PTTG1IP: variants seen among roughly 807,000 people sequenced by gnomAD.
The protein encoded by PTTG1IP is PTTG1 interacting protein.
A neutral mutation model predicts 24.4 loss-of-function variants in PTTG1IP; 16 were observed. That is an observed-to-expected ratio of 0.66 (90% CI 0.44 to 1.00). The LOEUF is 1.00. Among genes scored for constraint, PTTG1IP ranks in the 50% least tolerant of loss-of-function variants. The pLI is 0.00. For missense variants in PTTG1IP, 241 were observed against 245.8 expected (o/e 0.98, Z 0.13); for synonymous variants, 89 against 96.8 (o/e 0.92, Z 0.47).
chr21:44,870,544 A>AAAAAAAG (rs2083576927), intron 1 of PTTG1IP, among the ~76,000 whole-genome samples: 1 of 146,692 alleles, frequency 6.8e-6, no homozygotes, highest in African/African-American at 2.6e-5. Flanking sequence ...AAAAAAAAAA[A>AAAAAAAG]AAAAGAAAGG....
intron 1 of PTTG1IP, 169 bp from the exon 2 acceptor site, chr21:44,865,616 T>C: frequency 1.5e-6 from 1 of 683,208 alleles, no homozygotes; most frequent in Non-Finnish European, 2.6e-6. Context: ...ACAAGCCTTC[T>C]TCAAGACATG....
intron 1 of PTTG1IP, chr21:44,873,005 C>A (rs2083601957): frequency 6.6e-6 from 1 of 152,044 alleles, no homozygotes; most frequent in Admixed American, 6.5e-5. Context: ...GCGGCGTGAA[C>A]GCCGGCGGCT....
intron 1 of PTTG1IP, chr21:44,865,829 A>G (rs1354436580): frequency 1.1e-5 from 3 of 266,654 alleles, no homozygotes; most frequent in African/African-American, 2.2e-5. Context: ...ATCAGCAGGC[A>G]CTCTTTTGGG....
rs751876287 is a variant in PTTG1IP, at chr21:44,856,256, G to T, written c.386C>A (p.Pro129Gln). 6.2e-7 allele frequency: 1 copy of T among 1,613,930 alleles called. No homozygotes were observed. Among genetic ancestry groups the T allele is most frequent in the African/African-American group, 1.3e-5 (1 of 74,876 alleles). Residue 129 changes from proline (P) to glutamine (Q), a missense_variant, in exon 4 of 6, where the codon CCG becomes CAG. Pro to Gln is a moderately conservative substitution (Grantham distance 76). Transcript: ENST00000330938. Reference protein sequence around the residue: ...CCCRRKRSRKPDRSEEKAMRE... With the variant: ...CCCRRKRSRKQDRSEEKAMRE... ...CATGGCCTTCTCCTCACTCCTGTCC[G>T]GCTTCCGGCTCCTCTTCCTCCTGCA... is the stretch of plus-strand genomic sequence containing the variant.
intron 5 of PTTG1IP, among the ~76,000 whole-genome samples, chr21:44,852,797 G>C (rs1283762384): frequency 6.6e-6 from 1 of 152,140 alleles, no homozygotes; most frequent in Non-Finnish European, 1.5e-5. Flanking sequence ...CCAAAAGAAG[G>C]GTTTTTGCGT....
chr21:44,859,447 G>C (rs534528845), intron 3 of PTTG1IP, among the ~76,000 whole-genome samples: 1 of 152,000 alleles, frequency 6.6e-6, no homozygotes, highest in East Asian at 1.9e-4. Flanking sequence ...ACACACGTGT[G>C]CATTATGTAG....
chr21:44,861,316 A>G (rs925480435), intron 2 of PTTG1IP, 45 bp from the exon 3 acceptor site: 1 of 1,525,804 alleles, frequency 6.6e-7, no homozygotes, highest in Non-Finnish European at 9.0e-7. Context: ...CAACAGAAAA[A>G]CCAAAGAACT....
chr21:44,863,759 A>G (rs1271754787), intron 2 of PTTG1IP, among the ~76,000 whole-genome samples: 1 of 152,268 alleles, frequency 6.6e-6, no homozygotes, highest in Admixed American at 6.5e-5. Context: ...GAGCAGGTTC[A>G]ACATCACCAA....
intron 3 of PTTG1IP, among the ~76,000 whole-genome samples, chr21:44,859,004 C>G (rs924940943): frequency 2.0e-5 from 3 of 152,210 alleles, no homozygotes; most frequent in Non-Finnish European, 2.9e-5. Context: ...CACAGCAACT[C>G]CACCCCTACA....
intron 3 of PTTG1IP, among the ~76,000 whole-genome samples, chr21:44,860,046 T>A (rs2083478358): frequency 6.6e-6 from 1 of 152,164 alleles, no homozygotes; most frequent in South Asian, 2.1e-4. Flanking sequence ...AGTTCTAGGT[T>A]ACAAAACACA....
chr21:44,862,083 T>A (rs55745009), intron 2 of PTTG1IP: 62,109 of 536,898 alleles, frequency 0.12, 4,150 homozygotes, highest in Middle Eastern at 0.17. Flanking sequence ...CACACCCGTG[T>A]GTGTGTGTGT....
chr21:44,850,382 AT>A lies in PTTG1IP; in HGVS notation c.*1198del, dbSNP rs1254321523. The A allele has an allele frequency of 1.3e-5, 2 of 152,254 alleles. No individual in the cohort carries two copies. Among genetic ancestry groups the A allele is most frequent in the Non-Finnish European group, 2.9e-5 (2 of 68,044 alleles). The allele number at this position is 152,254 out of a possible 1,614,324, so 9.4% of individuals were successfully genotyped here. ...CTTGGTCTGCTTACTAAAGCCACGT[AT>A]CCTGATTTTACAGAAACGTGGGCAG... On this transcript the variant is annotated 3_prime_UTR_variant, in exon 6 of 6. Coordinates refer to ENST00000330938, the MANE Select transcript of PTTG1IP (RefSeq NM_004339.4).
Position 44,851,361 on chromosome 21 carries a change from C to T in PTTG1IP, c.*220G>A. On this transcript the variant is annotated 3_prime_UTR_variant, in exon 6 of 6. Coordinates refer to ENST00000330938, the MANE Select transcript of PTTG1IP (RefSeq NM_004339.4). The stretch of plus-strand genomic sequence containing the variant: ...CCCAAAGATTTCTTATTTCAAGTGA[C>T]TAAATCTAGAAACAGAGATGAACAG... The T allele has an allele frequency of 6.6e-7, 1 of 1,510,230 alleles. No homozygotes were observed. The highest frequency in any genetic ancestry group is 2.5e-5 in the East Asian group (1 of 40,146). 93.6% of individuals were successfully genotyped at this position (1,510,230 alleles called of 1,614,324 possible). A position where few individuals can be genotyped will look rare whatever the true frequency, so the allele number is the denominator to read the frequency against.
chr21:44,867,722 C>T (rs73908943), intron 1 of PTTG1IP, among the ~76,000 whole-genome samples: 1,534 of 152,314 alleles, frequency 0.01, 33 homozygotes, highest in African/African-American at 0.036. Flanking sequence ...CAAAGCATGG[C>T]GACACGGCTG....
At chr21:44,855,575 C>T (rs2083443181) in intron 4 of PTTG1IP, among the ~76,000 whole-genome samples, 1 of 152,214 alleles carries the variant, frequency 6.6e-6, no homozygotes, top group Non-Finnish European at 1.5e-5. Flanking sequence ...CAGTAAAAAT[C>T]ATACACCAGG....
At position 44,873,681 on chromosome 21, in the gene PTTG1IP, C is replaced by T; in HGVS notation, c.-65G>A. On this transcript the variant is annotated 5_prime_UTR_variant, in exon 1 of 6. Coordinates refer to ENST00000330938, the MANE Select transcript of PTTG1IP (RefSeq NM_004339.4). The stretch of plus-strand genomic sequence containing the variant: ...CTCCGACTCCAGCACAAGCGGTCTC[C>T]GCCCGGAACAGCCGCGGCGCCGGAA... 7.7e-7 allele frequency: 1 copy of T among 1,291,810 alleles called. No homozygotes were observed. Among genetic ancestry groups the T allele is most frequent in the Non-Finnish European group, 9.8e-7 (1 of 1,016,478 alleles). The allele number at this position is 1,291,810 out of a possible 1,614,324, so 80.0% of individuals were successfully genotyped here.
Position 44,865,424 on chromosome 21 carries a change from TTTTG to T in PTTG1IP, c.135_138del (p.Asn45LysfsTer7). The T allele has an allele frequency of 1.9e-6, 3 of 1,614,086 alleles. No homozygotes were observed. The highest frequency in any genetic ancestry group is 2.5e-6 in the Non-Finnish European group (3 of 1,180,014). On this transcript the variant is annotated frameshift_variant, in exon 2 of 6. Transcript: ENST00000330938. LOFTEE classifies it high-confidence loss of function. The stretch of plus-strand genomic sequence containing the variant: ...ACGTTCTTCAGGCACTCTTCACAGG[TTTTG>T]TTTGTGTTCTGAGAACAAGCTGCAG...
At chr21:44,864,327 C>G (rs780513170) in intron 2 of PTTG1IP, among the ~76,000 whole-genome samples, 84 of 152,396 alleles carry the variant, frequency 5.5e-4, no homozygotes, top group Middle Eastern at 3.4e-3. Context: ...CAAGAGGTGC[C>G]AGCCAGGCTG....
At position 44,859,799 on chromosome 21, in the gene PTTG1IP, G is replaced by A. The variant is rs79464409; in HGVS notation, c.277+1364C>T. Among the ~76,000 whole-genome samples, 387 of 152,086 alleles carry A rather than the reference G, an allele frequency of 2.5e-3. 9 individuals carry two copies. The East Asian group carries it at 0.058, about 23-fold the overall frequency. ...CCACACAAACTTTTGAATTCTCTAGGGCCTCAACACCAGCAACAAGTTGTT... is the reference window on the plus strand; with the variant it reads ...CCACACAAACTTTTGAATTCTCTAGAGCCTCAACACCAGCAACAAGTTGTT... On this transcript the variant is annotated intron_variant, in intron 3 of 5. Transcript: ENST00000330938.
Sources: gnomAD v4.1 joint callset for allele counts (sites outside exome capture counted in the v4.1 genomes callset) on GRCh38, gnomAD v4.1.1 for gene constraint, MANE v1.5 for transcripts, NCBI Gene and HGNC (gene_info 2026-07-23, HGNC 2026-07-21) for gene names.